Variants in MAP2K5 observed in about 807,000 individuals in gnomAD.
MAP2K5 encodes dual specificity mitogen-activated protein kinase kinase 5.
A neutral mutation model predicts 83.1 loss-of-function variants in MAP2K5; 49 were observed. The ratio of observed to expected loss-of-function variants is 0.59; its 90% CI spans 0.47 to 0.75. The LOEUF (loss-of-function observed/expected upper bound fraction) is 0.75, where lower values mean the gene tolerates loss of function less well. MAP2K5 is among the 30% of genes least tolerant of loss of function. The pLI, the probability that MAP2K5 is intolerant of heterozygous loss-of-function variation, is 0.00. For missense variants in MAP2K5, 457 were observed against 557.5 expected (o/e 0.82, Z 1.82); for synonymous variants, 202 against 191.8 (o/e 1.05, Z -0.44).
At chr15:67,608,695 C>T (rs2085836963) in intron 8 of MAP2K5, among the ~76,000 whole-genome samples, 1 of 152,154 alleles carries the variant, frequency 6.6e-6, no homozygotes, top group Non-Finnish European at 1.5e-5. Context: ...TGACAGCTGA[C>T]TTAAAGTCTG....
intron 7 of MAP2K5, among the ~76,000 whole-genome samples, chr15:67,600,195 A>G (rs1428098922): frequency 6.6e-6 from 1 of 152,212 alleles, no homozygotes; most frequent in Non-Finnish European, 1.5e-5. Context: ...TACTCTAGGA[A>G]AATCATAAAC....
Position 67,806,674 on chromosome 15 carries a change from A to G in MAP2K5, c.1271A>G (p.Asp424Gly). Reference sequence around the variant, plus strand: ...CACCCGTTCATCGTGCAGTTCAATGATGGAAATGCCGCCGTGGTGTCCATG... The same window carrying G: ...CACCCGTTCATCGTGCAGTTCAATGGTGGAAATGCCGCCGTGGTGTCCATG... Reference protein sequence around the residue: ...MGHPFIVQFNDGNAAVVSMWV... With the variant: ...MGHPFIVQFNGGNAAVVSMWV... The change falls in exon 22 of 22, where the codon GAT becomes GGT. Residue 424 changes from aspartate to glycine, a missense_variant. Transcript: ENST00000178640. 6.4e-7 allele frequency: 1 copy of G among 1,551,356 alleles called. No individual in the cohort carries two copies. Among genetic ancestry groups the G allele is most frequent in the Non-Finnish European group, 8.7e-7 (1 of 1,147,190 alleles).
Position 67,722,596 on chromosome 15 carries a change from T to C in MAP2K5, c.1045-5320T>C, listed in dbSNP as rs2088989686. On this transcript the variant is annotated intron_variant, in intron 16 of 21. Transcript: ENST00000178640. This position sits in a 1 kb window ranked among gnomAD's most constrained non-coding sequence, Gnocchi z 4.2. ...ATTTTGAGGTATTTAATATTTATTATGGTTCTTCACCAGCATAGTTTCAGA... is the reference window on the plus strand; with the variant it reads ...ATTTTGAGGTATTTAATATTTATTACGGTTCTTCACCAGCATAGTTTCAGA... Among the ~76,000 whole-genome samples the C allele has an allele frequency of 6.6e-6, 1 of 152,190 alleles. No homozygotes were observed. Among genetic ancestry groups the C allele is most frequent in the Non-Finnish European group, 1.5e-5 (1 of 68,026 alleles).
At chr15:67,655,081 A>G (rs2087036891) in intron 11 of MAP2K5, among the ~76,000 whole-genome samples, 1 of 150,640 alleles carries the variant, frequency 6.6e-6, no homozygotes, top group African/African-American at 2.4e-5. Flanking sequence ...AAAAAAAAAT[A>G]GTATACAAAA....
intron 16 of MAP2K5, among the ~76,000 whole-genome samples, chr15:67,716,619 TAAAG>T (rs1437147955): frequency 2.0e-5 from 3 of 152,158 alleles, no homozygotes; most frequent in Non-Finnish European, 4.4e-5. Context: ...GACTTTAACT[TAAAG>T]AGAGACTTCA....
In MAP2K5 at chr15:67,793,849, A is replaced by C. The variant is rs1314445539; in HGVS notation, c.1243-12797A>C. 6.6e-6 allele frequency among the ~76,000 whole-genome samples: 1 copy of C among 152,170 alleles called. No homozygotes were observed. The highest frequency in any genetic ancestry group is 1.5e-5 in the Non-Finnish European group (1 of 68,026). ...GTGGACTTCAAACTGTTGAGGTTTT[A>C]TTTTCTGAGAGGACCAAAGAGTCAT... On this transcript the variant is annotated intron_variant, in intron 21 of 21. Transcript: ENST00000178640. The surrounding 1 kb of genome is among the most constrained non-coding windows in gnomAD (Gnocchi z 4.6).
chr15:67,798,182 T>G (rs1160974009), intron 21 of MAP2K5, among the ~76,000 whole-genome samples: 1 of 151,964 alleles, frequency 6.6e-6, no homozygotes, highest in Non-Finnish European at 1.5e-5. Context: ...CAGGGGTGAG[T>G]CCTCAGTATC....
chr15:67,684,680 G>A (rs1182436747), intron 13 of MAP2K5, among the ~76,000 whole-genome samples: 1 of 152,108 alleles, frequency 6.6e-6, no homozygotes, highest in Admixed American at 6.5e-5. Context: ...TTGCAGACAG[G>A]ACTTTAGAAT....
At chr15:67,693,041 A>G (rs992264120) in intron 14 of MAP2K5, among the ~76,000 whole-genome samples, 1 of 152,186 alleles carries the variant, frequency 6.6e-6, no homozygotes, top group African/African-American at 2.4e-5. Flanking sequence ...AATTGCAGCC[A>G]CCTTTACTCC....
In MAP2K5 at chr15:67,769,008, T is replaced by G. The variant is rs959854182; in HGVS notation, c.1135-594T>G. Among the ~76,000 whole-genome samples, 8 of 152,192 alleles carry G rather than the reference T, an allele frequency of 5.3e-5. No individual in the cohort carries two copies. Among genetic ancestry groups the G allele is most frequent in the Admixed American group, 3.3e-4 (5 of 15,272 alleles). On this transcript the variant is annotated intron_variant, in intron 19 of 21. Coordinates refer to ENST00000178640, the MANE Select transcript of MAP2K5 (RefSeq NM_145160.3). This position sits in a 1 kb window ranked among gnomAD's most constrained non-coding sequence, Gnocchi z 5.2. ...GGGAGTTTTTCATTGTATCCTTAAT[T>G]CACTGGCTTTCTCATATGAGGAGTC...
Position 67,768,427 on chromosome 15 carries a change from A to C in MAP2K5, c.1135-1175A>C, listed in dbSNP as rs2141299045. 6.6e-6 allele frequency among the ~76,000 whole-genome samples: 1 copy of C among 152,286 alleles called. No individual in the cohort carries two copies. Among genetic ancestry groups the C allele is most frequent in the East Asian group, 1.9e-4 (1 of 5,180 alleles). On this transcript the variant is annotated intron_variant, in intron 19 of 21. Transcript: ENST00000178640. This position sits in a 1 kb window ranked among gnomAD's most constrained non-coding sequence, Gnocchi z 4.0. The stretch of plus-strand genomic sequence containing the variant: ...TGCATTTGACACAGTTGTGTGCTAG[A>C]GAAATTGTTTGGCTCCCACCAAATG...
chr15:67,705,090 T>C (rs916062302), intron 16 of MAP2K5, among the ~76,000 whole-genome samples: 4 of 152,216 alleles, frequency 2.6e-5, no homozygotes, highest in Admixed American at 1.3e-4. Context: ...TTTTCTTTCC[T>C]TAGCTTTCAC....
chr15:67,575,351 A>C (rs2085031592), intron 3 of MAP2K5, among the ~76,000 whole-genome samples: 1 of 151,920 alleles, frequency 6.6e-6, no homozygotes, highest in African/African-American at 2.4e-5. Flanking sequence ...AGAAGTAGGA[A>C]AACCCATGGA....
rs959612761 is a variant in MAP2K5 at position 67,760,275 on chromosome 15, G to T, written c.1135-9327G>T. On this transcript the variant is annotated intron_variant, in intron 19 of 21. Coordinates refer to ENST00000178640, the MANE Select transcript of MAP2K5 (RefSeq NM_145160.3). This position sits in a 1 kb window ranked among gnomAD's most constrained non-coding sequence, Gnocchi z 4.1. ...TATATTTAATTCATATTTATGAGTT[G>T]TCAGAAGGGAGGAGTAAGAAAGAAG... 6.6e-6 allele frequency among the ~76,000 whole-genome samples: 1 copy of T among 152,160 alleles called. No individual in the cohort carries two copies. The highest frequency in any genetic ancestry group is 2.4e-5 in the African/African-American group (1 of 41,420).
At chr15:67,625,065 G>A (rs1054477756) in intron 8 of MAP2K5, among the ~76,000 whole-genome samples, 1 of 152,150 alleles carries the variant, frequency 6.6e-6, no homozygotes. Context: ...TGTGAAAGAA[G>A]GGGATTAGGT....
Position 67,738,535 on chromosome 15 carries a change from C to T in MAP2K5, c.1075-9696C>T, listed in dbSNP as rs36038116. Among the ~76,000 whole-genome samples the T allele has an allele frequency of 3.3e-5, 5 of 152,318 alleles. No individual in the cohort carries two copies. The highest frequency in any genetic ancestry group is 1.2e-4 in the African/African-American group (5 of 41,574). ...ACCCAAACATACGCACAGAGCTAAC[C>T]TGAGTTCTGGTCTTGGCTTTTCTTA... On this transcript the variant is annotated intron_variant, in intron 17 of 21. Coordinates refer to ENST00000178640, the MANE Select transcript of MAP2K5 (RefSeq NM_145160.3). The surrounding 1 kb of genome is among the most constrained non-coding windows in gnomAD (Gnocchi z 4.1).
Position 67,722,946 on chromosome 15 carries a change from G to A in MAP2K5, c.1045-4970G>A, listed in dbSNP as rs2088998408. ...ATGCTTATTTTCAATTTGTAGTTATGCCGAGAAACATAGAATATGTCTAAA... is the reference window on the plus strand; with the variant it reads ...ATGCTTATTTTCAATTTGTAGTTATACCGAGAAACATAGAATATGTCTAAA... On this transcript the variant is annotated intron_variant, in intron 16 of 21. Coordinates refer to ENST00000178640, the MANE Select transcript of MAP2K5 (RefSeq NM_145160.3). The surrounding 1 kb of genome is among the most constrained non-coding windows in gnomAD (Gnocchi z 4.2). Among the ~76,000 whole-genome samples the A allele has an allele frequency of 6.6e-6, 1 of 152,082 alleles. No individual in the cohort carries two copies. Among genetic ancestry groups the A allele is most frequent in the East Asian group, 1.9e-4 (1 of 5,204 alleles).
intron 8 of MAP2K5, among the ~76,000 whole-genome samples, chr15:67,617,259 A>G (rs2086075446): frequency 6.6e-6 from 1 of 152,184 alleles, no homozygotes; most frequent in Non-Finnish European, 1.5e-5. Context: ...TCTTTCTTTA[A>G]TTATATCCTA....
chr15:67,563,398 T>G lies in MAP2K5; in HGVS notation c.252+48T>G. ...CTATTTTTTAAAATCTTAACGTGAT[T>G]GAGGATGCTGTTTCTTGGGCATAGT... On this transcript the variant is annotated intron_variant, in intron 3 of 21. Transcript: ENST00000178640. The surrounding 1 kb of genome is among the most constrained non-coding windows in gnomAD (Gnocchi z 4.5). 6.3e-7 allele frequency: 1 copy of G among 1,577,026 alleles called. No homozygotes were observed.
Sources: allele counts gnomAD v4.1 joint callset (sites outside exome capture counted in the v4.1 genomes callset), GRCh38; gene constraint gnomAD v4.1.1; non-coding constraint Gnocchi (gnomAD v3.1); transcripts MANE v1.5; gene names NCBI Gene and HGNC (gene_info 2026-07-23, HGNC 2026-07-21).